The following STOX1 variants were observed in gnomAD, a reference collection of about 807,000 sequenced individuals.
STOX1 encodes the protein storkhead box 1.
Under a neutral mutation model 74.8 loss-of-function variants are expected in STOX1, and 57 were observed. That is an observed-to-expected ratio of 0.76 (90% CI 0.62 to 0.95). The LOEUF (loss-of-function observed/expected upper bound fraction) is 0.95, where lower values mean the gene tolerates loss of function less well. Ranked by LOEUF, STOX1 falls within the 40% of genes least tolerant of loss-of-function variation. The pLI is 0.00. For synonymous variants in STOX1, 375 were observed against 401.3 expected (o/e 0.93, Z 0.78); for missense variants, 1,010 against 1,117.0 (o/e 0.90, Z 1.37).
intron 1 of STOX1, chr10:68,829,091 C>T (rs982513081): frequency 2.4e-5 from 16 of 670,814 alleles, no homozygotes; most frequent in South Asian, 6.7e-5. Flanking sequence ...CCAGTTGTTC[C>T]GCGCTTAATT....
At chr10:68,834,690 C>T (rs543939288) in intron 1 of STOX1, among the ~76,000 whole-genome samples, 3 of 152,186 alleles carry the variant, frequency 2.0e-5, no homozygotes, top group Admixed American at 6.5e-5. Flanking sequence ...AGCTCTGCCT[C>T]GATTCTCAGA....
chr10:68,884,548 A>G lies in STOX1; in HGVS notation c.752A>G (p.His251Arg), dbSNP rs1416570193. ...TCTTGCCAGTGTTTCCGGGACATGCACACTCAGGATGTTCAGGAAGCACCA... is the reference window on the plus strand; with the variant it reads ...TCTTGCCAGTGTTTCCGGGACATGCGCACTCAGGATGTTCAGGAAGCACCA... ...CQSCQCFRDM[H>R]TQDVQEAPVA... Residue 251 changes from histidine (H) to arginine (R), a missense_variant, in exon 3 of 4, where the codon CAC becomes CGC. Transcript: ENST00000298596. 8.1e-6 allele frequency: 13 copies of G among 1,613,682 alleles called. No individual in the cohort carries two copies. The highest frequency in any genetic ancestry group is 1.0e-5 in the Non-Finnish European group (12 of 1,180,040).
intron 1 of STOX1, among the ~76,000 whole-genome samples, chr10:68,838,058 CT>C (rs937726232): frequency 8.6e-4 from 124 of 144,204 alleles, no homozygotes; most frequent in African/African-American, 1.9e-3. Flanking sequence ...CATTTCGTTT[CT>C]TTTTTTTTTT....
At chr10:68,831,457 T>C (rs1413590783) in intron 1 of STOX1, among the ~76,000 whole-genome samples, 3 of 152,098 alleles carry the variant, frequency 2.0e-5, no homozygotes, top group Non-Finnish European at 4.4e-5. Flanking sequence ...TTTGCTGGGA[T>C]TACAGGCATG....
intron 3 of STOX1, among the ~76,000 whole-genome samples, chr10:68,887,671 G>A (rs988047300): frequency 1.0e-4 from 15 of 143,922 alleles, no homozygotes; most frequent in Non-Finnish European, 2.0e-4. Flanking sequence ...TCTGCTCACT[G>A]CAACCTCCGC....
intron 1 of STOX1, among the ~76,000 whole-genome samples, chr10:68,851,773 G>A (rs991735908): frequency 3.9e-5 from 6 of 152,106 alleles, no homozygotes; most frequent in African/African-American, 1.4e-4. Flanking sequence ...CCCAGGAGGT[G>A]GAGGTTGTAG....
chr10:68,892,516 G>C, intron 3 of STOX1, 73 bp from the exon 4 acceptor site: 1 of 1,397,354 alleles, frequency 7.2e-7, no homozygotes, highest in South Asian at 1.2e-5. Flanking sequence ...GTAGCAAATG[G>C]AAGTATAATG....
intron 3 of STOX1, among the ~76,000 whole-genome samples, chr10:68,890,681 C>T (rs1841077916): frequency 1.5e-5 from 2 of 136,880 alleles, no homozygotes; most frequent in Admixed American, 1.6e-4. Context: ...GATGGAGTCT[C>T]GCTCTGTCAC....
chr10:68,876,779 C>T (rs1288679688), intron 1 of STOX1, among the ~76,000 whole-genome samples: 4 of 152,206 alleles, frequency 2.6e-5, no homozygotes, highest in Non-Finnish European at 5.9e-5. Flanking sequence ...CTGAAGAGTG[C>T]TCTTCAGTTT....
intron 1 of STOX1, among the ~76,000 whole-genome samples, chr10:68,874,012 C>CA (rs1840613803): frequency 8.8e-5 from 1 of 11,376 alleles, no homozygotes; most frequent in Non-Finnish European, 1.4e-4. Flanking sequence ...AGCTAGGTAG[C>CA]CTTTTTTTTT....
In STOX1 at chr10:68,882,089, C is replaced by T. The variant is rs200722232; in HGVS notation, c.442C>T (p.Arg148Cys). 4.2e-5 allele frequency: 67 copies of T among 1,613,690 alleles called. 3 individuals carry two copies. The South Asian group carries it at 6.8e-4, about 16-fold the overall frequency. The change falls in exon 2 of 4, where the codon CGT becomes TGT. Residue 148 changes from arginine (R) to cysteine (C), a missense_variant. Arg to Cys is a radical substitution (Grantham distance 180, BLOSUM62 -3). Transcript: ENST00000298596. Reference sequence around the variant, plus strand: ...AGTAACGCAGGAATCACTTTTGGAGCGTTTGATGAAACATTACCCAGGTAG... The same window carrying T: ...AGTAACGCAGGAATCACTTTTGGAGTGTTTGATGAAACATTACCCAGGTAG... Reference protein sequence around the residue: ...IVVTQESLLERLMKHYPGIAI... With the variant: ...IVVTQESLLECLMKHYPGIAI...
At chr10:68,846,239 T>C (rs1268902438) in intron 1 of STOX1, among the ~76,000 whole-genome samples, 1 of 151,724 alleles carries the variant, frequency 6.6e-6, no homozygotes, top group East Asian at 1.9e-4. Flanking sequence ...CTCTGCCTCC[T>C]GGGTTCAAGC....
At position 68,892,768 on chromosome 10, in the gene STOX1, A is replaced by G. The variant is rs1841128527; in HGVS notation, c.*32A>G. 6.2e-7 allele frequency: 1 copy of G among 1,601,716 alleles called. No homozygotes were observed. The highest frequency in any genetic ancestry group is 8.6e-7 in the Non-Finnish European group (1 of 1,169,512). On this transcript the variant is annotated 3_prime_UTR_variant, in exon 4 of 4. Transcript: ENST00000298596. Reference sequence around the variant, plus strand: ...TTTGGAAACCTACTTTTTTCTTTATAAAAAGGTAGAGCATTATTACAGAAT... The same window carrying G: ...TTTGGAAACCTACTTTTTTCTTTATGAAAAGGTAGAGCATTATTACAGAAT...
Position 68,892,778 on chromosome 10 carries a change from A to G in STOX1, c.*42A>G, listed in dbSNP as rs1303160985. 3 of 1,587,886 alleles carry G rather than the reference A, an allele frequency of 1.9e-6. No homozygotes were observed. The highest frequency in any genetic ancestry group is 2.6e-6 in the Non-Finnish European group (3 of 1,157,532). The stretch of plus-strand genomic sequence containing the variant: ...TACTTTTTTCTTTATAAAAAGGTAG[A>G]GCATTATTACAGAATCTTTCAATCA... On this transcript the variant is annotated 3_prime_UTR_variant, in exon 4 of 4. Coordinates refer to ENST00000298596, the MANE Select transcript of STOX1 (RefSeq NM_152709.5).
rs984188928 is a variant in STOX1, at chr10:68,827,662, G to A, written c.39G>A (p.Ala13=). The A allele has an allele frequency of 2.6e-6, 3 of 1,138,328 alleles. No homozygotes were observed. Among genetic ancestry groups the A allele is most frequent in the Non-Finnish European group, 2.2e-6 (2 of 928,390 alleles). The allele number at this position is 1,138,328 out of a possible 1,614,324, so 70.5% of individuals were successfully genotyped here. A position where few individuals can be genotyped will look rare whatever the true frequency, so the allele number is the denominator to read the frequency against. ...RPVQLAPGSL[A]LVLCRLEAQK... The stretch of plus-strand genomic sequence containing the variant: ...TGCAGCTGGCGCCGGGCTCGCTGGC[G>A]CTAGTGCTGTGCCGGCTGGAGGCGC... The change falls in exon 1 of 4, where the codon GCG becomes GCA. Residue 13 remains alanine (A), a synonymous_variant. Transcript: ENST00000298596.
At chr10:68,879,918 C>A (rs903830437) in intron 1 of STOX1, among the ~76,000 whole-genome samples, 1 of 152,146 alleles carries the variant, frequency 6.6e-6, no homozygotes, top group Admixed American at 6.5e-5. Context: ...TTGCCAGTAA[C>A]TTTCCTGGCT....
At chr10:68,853,690 G>GT (rs1840046998) in intron 1 of STOX1, among the ~76,000 whole-genome samples, 1 of 150,254 alleles carries the variant, frequency 6.7e-6, no homozygotes, top group Non-Finnish European at 1.5e-5. Context: ...TTTGTTTTTT[G>GT]TTTTTTGTTT....
intron 1 of STOX1, among the ~76,000 whole-genome samples, chr10:68,833,795 A>G (rs1372862098): frequency 6.6e-6 from 1 of 152,162 alleles, no homozygotes; most frequent in African/African-American, 2.4e-5. Flanking sequence ...AGTATAAAAC[A>G]TTATAAAACA....
chr10:68,884,957 G>A lies in STOX1; in HGVS notation c.1161G>A (p.Gln387=), dbSNP rs1564587982. 6.2e-7 allele frequency: 1 copy of A among 1,614,074 alleles called. No individual in the cohort carries two copies. The highest frequency in any genetic ancestry group is 8.5e-7 in the Non-Finnish European group (1 of 1,180,014). The change falls in exon 3 of 4, where the codon CAG becomes CAA. Residue 387 remains glutamine, a synonymous_variant. Transcript: ENST00000298596. Reference sequence around the variant, plus strand: ...TCCTAATGCAAAAATACGAAGAACAGAAAAAATATAATAGCCAGGGCACTT... The same window carrying A: ...TCCTAATGCAAAAATACGAAGAACAAAAAAAATATAATAGCCAGGGCACTT... The part of the protein sequence containing the change: ...HTVLMQKYEE[Q]KKYNSQGTST...
Sources: allele counts gnomAD v4.1 joint callset (sites outside exome capture counted in the v4.1 genomes callset), GRCh38; gene constraint gnomAD v4.1.1; transcripts MANE v1.5; gene names NCBI Gene and HGNC (gene_info 2026-07-23, HGNC 2026-07-21).